Variants in CDH13 observed in about 807,000 individuals in gnomAD.
CDH13 encodes cadherin-13.
Under a neutral mutation model 63.8 loss-of-function variants are expected in CDH13, and 24 were observed. That is an observed-to-expected ratio of 0.38 (90% CI 0.27 to 0.53). The LOEUF is 0.53. Among genes scored for constraint, CDH13 ranks in the 20% least tolerant of loss-of-function variants. CDH13 has a pLI of 0.85. For synonymous variants in CDH13, 503 were observed against 355.3 expected, an observed-to-expected ratio of 1.42 and a Z score of -4.67; for missense variants, 1,049 against 903.1, an observed-to-expected ratio of 1.16 and a Z score of -2.07.
chr16:83,679,724 C>T (rs1252925325), intron 10 of CDH13, among the ~76,000 whole-genome samples: 2 of 152,188 alleles, frequency 1.3e-5, no homozygotes, highest in African/African-American at 4.8e-5. Flanking sequence ...CGTAGCTTAA[C>T]AGACTACAAG....
intron 4 of CDH13, among the ~76,000 whole-genome samples, chr16:83,193,997 G>C (rs996019753): frequency 3.3e-5 from 5 of 152,300 alleles, no homozygotes; most frequent in East Asian, 1.9e-4. Context: ...GGAAGAGTCC[G>C]ATGTTTTCAT....
rs576187127 is a variant in CDH13, at chr16:82,739,651, T to C, written c.45+112514T>C. Among the ~76,000 whole-genome samples the C allele has an allele frequency of 3.3e-5, 5 of 152,324 alleles. No homozygotes were observed. In the South Asian group the frequency reaches 6.2e-4, roughly 19 times the overall value. On this transcript the variant is annotated intron_variant, in intron 1 of 13. Coordinates refer to ENST00000567109, the MANE Select transcript of CDH13 (RefSeq NM_001257.5). ...GGAATTTGCCTTTAATTATTTAAAATAGTTTAAATCTTGTTGTTCAAACAA... is the reference window on the plus strand; with the variant it reads ...GGAATTTGCCTTTAATTATTTAAAACAGTTTAAATCTTGTTGTTCAAACAA...
At chr16:83,657,968 A>G (rs1286157088) in intron 8 of CDH13, among the ~76,000 whole-genome samples, 1 of 148,776 alleles carries the variant, frequency 6.7e-6, no homozygotes, top group Non-Finnish European at 1.5e-5. Context: ...GCAAGGTCTC[A>G]TGTCCTCACC....
At chr16:83,438,747 T>A (rs559441618) in intron 6 of CDH13, among the ~76,000 whole-genome samples, 4 of 152,350 alleles carry the variant, frequency 2.6e-5, no homozygotes, top group Non-Finnish European at 4.4e-5. Flanking sequence ...AATGACAGAA[T>A]GGTTGTCTGA....
chr16:83,511,239 A>G (rs539678427), intron 7 of CDH13, among the ~76,000 whole-genome samples: 1 of 152,364 alleles, frequency 6.6e-6, no homozygotes, highest in East Asian at 1.9e-4. Flanking sequence ...ACAAGGGCAG[A>G]TCAACTGAAA....
chr16:83,519,749 G>C (rs1368452839), intron 7 of CDH13, among the ~76,000 whole-genome samples: 1 of 152,170 alleles, frequency 6.6e-6, no homozygotes, highest in Non-Finnish European at 1.5e-5. Flanking sequence ...AAAGAAAGGT[G>C]CCTCAATACA....
chr16:83,794,528 G>T (rs927938819), intron 13 of CDH13, among the ~76,000 whole-genome samples: 12 of 152,140 alleles, frequency 7.9e-5, no homozygotes, highest in African/African-American at 2.9e-4. Flanking sequence ...ACTCCAGCTG[G>T]GGCAACAGAA....
At chr16:83,665,747 C>T (rs1913888823) in intron 8 of CDH13, among the ~76,000 whole-genome samples, 2 of 152,174 alleles carry the variant, frequency 1.3e-5, no homozygotes, top group Non-Finnish European at 2.9e-5. Context: ...TTAAACTTGT[C>T]CTCTGTCACT....
intron 2 of CDH13, among the ~76,000 whole-genome samples, chr16:82,873,204 G>T (rs1272738827): frequency 6.6e-6 from 1 of 152,166 alleles, no homozygotes; most frequent in African/African-American, 2.4e-5. Flanking sequence ...TAAAATGAGA[G>T]TGGGTTCTTC....
At chr16:82,998,330 A>G (rs921582318) in intron 2 of CDH13, among the ~76,000 whole-genome samples, 1 of 152,272 alleles carries the variant, frequency 6.6e-6, no homozygotes, top group Non-Finnish European at 1.5e-5. Flanking sequence ...CAAAAGAGAA[A>G]GAAAGAACAT....
intron 6 of CDH13, among the ~76,000 whole-genome samples, chr16:83,348,993 G>A (rs1320285413): frequency 6.6e-6 from 1 of 152,194 alleles, no homozygotes; most frequent in African/African-American, 2.4e-5. Context: ...ATGTCCCCAT[G>A]TGTTCGAATG....
chr16:82,987,094 G>C (rs1271292489), intron 2 of CDH13, among the ~76,000 whole-genome samples: 1 of 152,194 alleles, frequency 6.6e-6, no homozygotes, highest in East Asian at 1.9e-4. Context: ...GAGAGGACAT[G>C]TGAATCAGTG....
intron 10 of CDH13, among the ~76,000 whole-genome samples, chr16:83,688,231 C>T (rs1452988013): frequency 6.6e-6 from 1 of 152,102 alleles, no homozygotes; most frequent in Non-Finnish European, 1.5e-5. Context: ...CATTGACTGG[C>T]GATGGGACAT....
rs893157546 is a variant in CDH13 at position 82,978,243 on chromosome 16, A to G, written c.158-53767A>G. Among the ~76,000 whole-genome samples, 51 of 152,250 alleles carry G rather than the reference A, an allele frequency of 3.3e-4. 1 individual carries two copies. Among genetic ancestry groups the G allele is most frequent in the Non-Finnish European group, 5.9e-5 (4 of 68,044 alleles). On this transcript the variant is annotated intron_variant, in intron 2 of 13. Coordinates refer to ENST00000567109, the MANE Select transcript of CDH13 (RefSeq NM_001257.5). Reference sequence around the variant, plus strand: ...AACTTATGTTTAAAAGGGAAGCAGAACATAAAAGTTCAGAAAATTTGTAGC... The same window carrying G: ...AACTTATGTTTAAAAGGGAAGCAGAGCATAAAAGTTCAGAAAATTTGTAGC...
intron 1 of CDH13, among the ~76,000 whole-genome samples, chr16:82,794,556 C>G (rs1361718854): frequency 6.6e-6 from 1 of 151,806 alleles, no homozygotes; most frequent in East Asian, 1.9e-4. Context: ...CATGTTTGAC[C>G]CATGTAATAC....
rs140031812 is a variant in CDH13 at position 82,928,646 on chromosome 16, A to C, written c.157+70173A>C. Among the ~76,000 whole-genome samples the C allele has an allele frequency of 1.2e-3, 181 of 152,358 alleles. No homozygotes were observed. In the Middle Eastern group the frequency reaches 0.031, roughly 26 times the overall value. On this transcript the variant is annotated intron_variant, in intron 2 of 13. Transcript: ENST00000567109. ...TAAATAAATAAGAATTGTCCAAGGT[A>C]AGAGTTGTGTAGGCTCTGTAAAAAC...
chr16:83,708,804 C>T (rs1907551189), intron 10 of CDH13, among the ~76,000 whole-genome samples: 2 of 152,210 alleles, frequency 1.3e-5, no homozygotes, highest in South Asian at 2.1e-4. Flanking sequence ...GTTGGTGGAT[C>T]ACTTGAGGCC....
intron 3 of CDH13, among the ~76,000 whole-genome samples, chr16:83,054,296 A>G (rs574705519): frequency 2.0e-5 from 3 of 152,368 alleles, no homozygotes; most frequent in African/African-American, 7.2e-5. Flanking sequence ...TAAATTGGAC[A>G]CAATCAGAGA....
chr16:82,868,918 C>G (rs1356918415), intron 2 of CDH13, among the ~76,000 whole-genome samples: 1 of 151,790 alleles, frequency 6.6e-6, no homozygotes, highest in Non-Finnish European at 1.5e-5. Flanking sequence ...TTGGGAAAAA[C>G]AAAACAAAAA....
Sources: gnomAD v4.1 joint callset for allele counts (sites outside exome capture counted in the v4.1 genomes callset) on GRCh38, gnomAD v4.1.1 for gene constraint, MANE v1.5 for transcripts, NCBI Gene and HGNC (gene_info 2026-07-23, HGNC 2026-07-21) for gene names.